Variants in TTI1 observed in about 807,000 individuals in gnomAD.
TTI1 encodes the protein TELO2 interacting protein 1.
TTI1 carries 52 observed loss-of-function variants against 85.4 expected under a neutral mutation model. The observed-to-expected ratio is 0.61, with a 90% CI of 0.49 to 0.77. TTI1 has a LOEUF of 0.77. TTI1 is among the 30% of genes least tolerant of loss of function. TTI1 has a pLI of 0.00. For synonymous variants in TTI1, 512 were observed against 503.9 expected (o/e 1.02, Z -0.22); for missense variants, 1,173 against 1,296.0 (o/e 0.91, Z 1.46).
chr20:37,983,248 C>T lies in TTI1; in HGVS notation c.*208G>A, dbSNP rs1483762600. On this transcript the variant is annotated 3_prime_UTR_variant, in exon 8 of 8. Coordinates refer to ENST00000373447, the MANE Select transcript of TTI1 (RefSeq NM_001303457.2). ...GCCACCAGACAATGTCACTTGACAA[C>T]ACAAGGTATGAAACATAAATAATAG... 2.4e-5 allele frequency: 13 copies of T among 541,542 alleles called. No individual in the cohort carries two copies. Among genetic ancestry groups the T allele is most frequent in the Non-Finnish European group, 3.9e-5 (12 of 310,232 alleles). The allele number at this position is 541,542 out of a possible 1,614,324, so 33.5% of individuals were successfully genotyped here.
rs1023799057 is a variant in TTI1, at chr20:38,013,686, G to A, written c.131C>T (p.Ala44Val). Residue 44 changes from alanine (A) to valine (V), a missense_variant, in exon 2 of 8, where the codon GCC becomes GTC. Coordinates refer to ENST00000373447, the MANE Select transcript of TTI1 (RefSeq NM_001303457.2). ...GATGTACTGCTGAAGTTCCTGAAGG[G>A]CACTGTCACTCACAGCTTGTAGTCG... ...QTRLQAVSDSALQELQQYILF... is the reference protein window; with the variant it reads ...QTRLQAVSDSVLQELQQYILF... 1 of 1,614,178 alleles carries A rather than the reference G, an allele frequency of 6.2e-7. No individual in the cohort carries two copies. Among genetic ancestry groups the A allele is most frequent in the Non-Finnish European group, 8.5e-7 (1 of 1,180,040 alleles).
At chr20:38,017,904 C>A (rs1042481687) in intron 1 of TTI1, among the ~76,000 whole-genome samples, 1 of 152,160 alleles carries the variant, frequency 6.6e-6, no homozygotes, top group African/African-American at 2.4e-5. Flanking sequence ...AAGGATGAAC[C>A]AAAGTAAGTT....
intron 5 of TTI1, 99 bp from the exon 6 acceptor site, chr20:37,997,052 G>GA: frequency 1.5e-6 from 2 of 1,297,994 alleles, no homozygotes; most frequent in Non-Finnish European, 2.1e-6. Context: ...TCTCTGCTTG[G>GA]GGGAAAAAAA....
chr20:38,021,184 A>G (rs2073766848), intron 1 of TTI1, among the ~76,000 whole-genome samples: 1 of 152,230 alleles, frequency 6.6e-6, no homozygotes, highest in South Asian at 2.1e-4. Flanking sequence ...GAGATCTTCA[A>G]AAGTCTGGGT....
chr20:38,021,955 C>CA (rs2073777014), intron 1 of TTI1, among the ~76,000 whole-genome samples: 1 of 152,106 alleles, frequency 6.6e-6, no homozygotes, highest in African/African-American at 2.4e-5. Flanking sequence ...GGAAAAAGTG[C>CA]AAAAGGAATT....
At chr20:37,987,354 C>T (rs1039746089) in intron 7 of TTI1, 11 of 456,646 alleles carry the variant, frequency 2.4e-5, no homozygotes, top group African/African-American at 1.8e-4. Flanking sequence ...GGGGTAACTG[C>T]CTGGAAAATG....
rs776486378 is a variant in TTI1 at position 38,013,749 on chromosome 20, T to C, written c.68A>G (p.Lys23Arg). 6.2e-6 allele frequency: 10 copies of C among 1,614,042 alleles called. No homozygotes were observed. The East Asian group carries it at 1.6e-4, about 25-fold the overall frequency. The stretch of plus-strand genomic sequence containing the variant: ...CTCCACATTCTCCACTGTCTGGGTC[T>C]TTGTGAGCTGAACACAGACTGGACG... ...VLRPVCVQLT[K>R]TQTVENVEHL... is the part of the protein sequence containing the mutation. Residue 23 changes from lysine to arginine, a missense_variant, in exon 2 of 8, where the codon AAG becomes AGG. By Grantham distance (26) the Lys-to-Arg change is conservative. Transcript: ENST00000373447.
chr20:37,997,553 A>G (rs1301484595), intron 5 of TTI1, among the ~76,000 whole-genome samples: 1 of 151,848 alleles, frequency 6.6e-6, no homozygotes, highest in Admixed American at 6.6e-5. Flanking sequence ...GTTTCTTTGC[A>G]TGTCTTGTTT....
At chr20:37,999,102 A>C in intron 5 of TTI1, 86 bp downstream of exon 5, 19 of 1,294,728 alleles carry the variant, frequency 1.5e-5, no homozygotes, top group Non-Finnish European at 1.8e-5. Context: ...AATCGGGTGA[A>C]GAGAACCAAT....
chr20:38,022,993 G>C (rs2073789365), intron 1 of TTI1, among the ~76,000 whole-genome samples: 1 of 152,146 alleles, frequency 6.6e-6, no homozygotes, highest in Admixed American at 6.5e-5. Context: ...TGAATAACTA[G>C]CCTATGGAAA....
At chr20:37,983,770 T>C (rs930429317) in intron 7 of TTI1, 131 bp from the exon 8 acceptor site, 6 of 958,896 alleles carry the variant, frequency 6.3e-6, no homozygotes, top group African/African-American at 5.2e-5. Context: ...TCACTTCAAA[T>C]AGTAGAAAAA....
rs1024459833 is a variant in TTI1 at position 38,006,524 on chromosome 20, C to T, written c.2303-127G>A. 26 of 996,118 alleles carry T rather than the reference C, an allele frequency of 2.6e-5. 1 individual carries two copies. The highest frequency in any genetic ancestry group is 3.2e-5 in the African/African-American group (2 of 61,894). The allele number at this position is 996,118 out of a possible 1,614,324, so 61.7% of individuals were successfully genotyped here. Reference sequence around the variant, plus strand: ...ATGATTCAGTCCCTGCCTGGCTCCCCGGCCTCCCAGTTGCCCATTAACTCA... The same window carrying T: ...ATGATTCAGTCCCTGCCTGGCTCCCTGGCCTCCCAGTTGCCCATTAACTCA... On this transcript the variant is annotated intron_variant, in intron 2 of 7. Coordinates refer to ENST00000373447, the MANE Select transcript of TTI1 (RefSeq NM_001303457.2).
chr20:37,984,765 A>G (rs143562333), intron 7 of TTI1, among the ~76,000 whole-genome samples: 17 of 152,244 alleles, frequency 1.1e-4, no homozygotes, highest in African/African-American at 4.1e-4. Context: ...CCCTCACAAC[A>G]TAAGCTCCCC....
intron 5 of TTI1, 143 bp downstream of exon 5, chr20:37,999,045 G>C (rs2073381844): frequency 2.0e-6 from 2 of 1,001,580 alleles, no homozygotes; most frequent in African/African-American, 1.7e-5. Flanking sequence ...TTTCTTCTTT[G>C]TGCTTTTCTT....
rs60021792 is a variant in TTI1 at position 38,029,568 on chromosome 20, AAGAG to A, written c.-42+3832_-42+3835del. Among the ~76,000 whole-genome samples, 144 of 149,030 alleles carry A rather than the reference AAGAG, an allele frequency of 9.7e-4. 1 individual carries two copies. Among genetic ancestry groups the A allele is most frequent in the Admixed American group, 2.1e-3 (32 of 14,944 alleles). On this transcript the variant is annotated intron_variant, in intron 1 of 7. Transcript: ENST00000373447. The stretch of plus-strand genomic sequence containing the variant: ...AAGATTGACAAGGGAGTGAGTGAGC[AAGAG>A]AGAGAGAGAGAGAGAGAGGAGAGAG...
At chr20:38,014,004 C>G in intron 1 of TTI1, 147 bp from the exon 2 acceptor site, 2 of 727,458 alleles carry the variant, frequency 2.7e-6, no homozygotes, top group Non-Finnish European at 4.4e-6. Flanking sequence ...ACTGAGCCCC[C>G]TGTCTAGTGA....
chr20:38,027,381 C>A (rs1223272259), intron 1 of TTI1, among the ~76,000 whole-genome samples: 1 of 151,968 alleles, frequency 6.6e-6, no homozygotes, highest in Non-Finnish European at 1.5e-5. Flanking sequence ...GTATTGTTAT[C>A]TTTTACTTTT....
rs537550142 is a variant in TTI1, at chr20:38,031,515, T to C, written c.-42+1889A>G. On this transcript the variant is annotated intron_variant, in intron 1 of 7. Coordinates refer to ENST00000373447, the MANE Select transcript of TTI1 (RefSeq NM_001303457.2). Reference sequence around the variant, plus strand: ...AAGTAAAAGACTACCCACCTACACATATACATTCCTTATCCTCCTTATCTC... The same window carrying C: ...AAGTAAAAGACTACCCACCTACACACATACATTCCTTATCCTCCTTATCTC... Among the ~76,000 whole-genome samples the C allele has an allele frequency of 9.8e-4, 150 of 152,354 alleles. 1 individual carries two copies. The highest frequency in any genetic ancestry group is 3.4e-3 in the African/African-American group (143 of 41,578).
intron 1 of TTI1, among the ~76,000 whole-genome samples, chr20:38,030,523 T>C (rs1414903868): frequency 8.6e-6 from 1 of 116,224 alleles, no homozygotes; most frequent in East Asian, 2.3e-4. Flanking sequence ...TTCAGCAGTA[T>C]GTAAAACACA....
Sources: gnomAD v4.1 joint callset for allele counts (sites outside exome capture counted in the v4.1 genomes callset) on GRCh38, gnomAD v4.1.1 for gene constraint, MANE v1.5 for transcripts, NCBI Gene and HGNC (gene_info 2026-07-23, HGNC 2026-07-21) for gene names.